PRND: variants seen among roughly 807,000 people sequenced by gnomAD.
The protein encoded by PRND is prion-like protein doppel.
For missense variants in PRND, 227 were observed against 223.3 expected (o/e 1.02, Z -0.11); for synonymous variants, 94 against 93.2 (o/e 1.01, Z -0.05).
Position 4,727,586 on chromosome 20 carries a change from G to C in PRND, c.*2504G>C, listed in dbSNP as rs1291266447. The C allele has an allele frequency of 1.8e-5, 3 of 167,022 alleles. No homozygotes were observed. Among genetic ancestry groups the C allele is most frequent in the Admixed American group, 6.5e-5 (1 of 15,280 alleles). 10.3% of individuals were successfully genotyped at this position (167,022 alleles called of 1,614,324 possible). The stretch of plus-strand genomic sequence containing the variant: ...TAAAATATAAGTTTATTGTAAAAGT[G>C]ACATGAAAATTACAACAGATATTCC... On this transcript the variant is annotated 3_prime_UTR_variant, in exon 2 of 2. Coordinates refer to ENST00000305817, the MANE Select transcript of PRND (RefSeq NM_012409.4).
chr20:4,722,682 T>G (rs1459410227), intron 1 of PRND, among the ~76,000 whole-genome samples: 2 of 151,878 alleles, frequency 1.3e-5, no homozygotes, highest in African/African-American at 4.8e-5. Context: ...GTGGAGGGTG[T>G]GTGAGGGGCG....
intron 1 of PRND, among the ~76,000 whole-genome samples, chr20:4,723,485 C>T (rs973024904): frequency 6.6e-6 from 1 of 152,166 alleles, no homozygotes; most frequent in Admixed American, 6.5e-5. Context: ...ATAGGGGAGG[C>T]AGGGGTCCCT....
chr20:4,723,768 A>G (rs976322217), intron 1 of PRND, among the ~76,000 whole-genome samples: 1 of 152,068 alleles, frequency 6.6e-6, no homozygotes, highest in Non-Finnish European at 1.5e-5. Context: ...CGTTTCTACA[A>G]CATGTATTTA....
At position 4,724,774 on chromosome 20, in the gene PRND, A is replaced by G. The variant is rs1377405937; in HGVS notation, c.223A>G (p.Asn75Asp). ...KLDIDFGAEG[N>D]RYYEANYWQF... The stretch of plus-strand genomic sequence containing the variant: ...CGACATTGACTTCGGAGCCGAGGGC[A>G]ACAGGTACTACGAGGCCAACTACTG... The change falls in exon 2 of 2, where the codon AAC becomes GAC. Residue 75 changes from asparagine to aspartate, a missense_variant. Asn to Asp is a conservative substitution (Grantham distance 23). Transcript: ENST00000305817. This position sits in a 1 kb window ranked among gnomAD's most constrained non-coding sequence, Gnocchi z 4.8. 1 of 1,614,232 alleles carries G rather than the reference A, an allele frequency of 6.2e-7. No individual in the cohort carries two copies. The highest frequency in any genetic ancestry group is 8.5e-7 in the Non-Finnish European group (1 of 1,180,050).
At position 4,724,502 on chromosome 20, in the gene PRND, G is replaced by C. The variant is rs374309755; in HGVS notation, c.-11-39G>C. The C allele has an allele frequency of 6.2e-7, 1 of 1,612,552 alleles. No homozygotes were observed. Among genetic ancestry groups the C allele is most frequent in the Non-Finnish European group, 8.5e-7 (1 of 1,179,636 alleles). On this transcript the variant is annotated intron_variant, in intron 1 of 1. Transcript: ENST00000305817. The surrounding 1 kb of genome is among the most constrained non-coding windows in gnomAD (Gnocchi z 4.8). The stretch of plus-strand genomic sequence containing the variant: ...GGAGGGGGCAGGGGAGCCCAGGCAG[G>C]CCTGGTGGGGAGCTGACCCACCGCC...
intron 1 of PRND, among the ~76,000 whole-genome samples, chr20:4,722,468 G>A (rs1172950981): frequency 1.3e-5 from 2 of 151,370 alleles, no homozygotes; most frequent in African/African-American, 2.4e-5. Flanking sequence ...TAGCCACCCT[G>A]GGACAAAGAC....
In PRND at chr20:4,724,827, C is replaced by T. The variant is rs370883023; in HGVS notation, c.276C>T (p.Asn92=). 66 of 1,614,230 alleles carry T rather than the reference C, an allele frequency of 4.1e-5. No homozygotes were observed. Among genetic ancestry groups the T allele is most frequent in the African/African-American group, 2.1e-4 (16 of 75,054 alleles). The change falls in exon 2 of 2, where the codon AAC becomes AAT. Residue 92 remains asparagine, a synonymous_variant. Transcript: ENST00000305817. The surrounding 1 kb of genome is among the most constrained non-coding windows in gnomAD (Gnocchi z 4.8). ...YWQFPDGIHY[N]GCSEANVTKE... ...AGTTCCCCGATGGCATCCACTACAA[C>T]GGCTGCTCTGAGGCTAATGTGACCA...
Position 4,725,277 on chromosome 20 carries a change from C to G in PRND, c.*195C>G. 1 of 668,120 alleles carries G rather than the reference C, an allele frequency of 1.5e-6. No homozygotes were observed. Among genetic ancestry groups the G allele is most frequent in the Non-Finnish European group, 2.6e-6 (1 of 387,234 alleles). 41.4% of individuals were successfully genotyped at this position (668,120 alleles called of 1,614,324 possible). On this transcript the variant is annotated 3_prime_UTR_variant, in exon 2 of 2. Coordinates refer to ENST00000305817, the MANE Select transcript of PRND (RefSeq NM_012409.4). Reference sequence around the variant, plus strand: ...GATAGATGGGGGACTGTGGCTTCTCCGTCACTCCATTCTCAGCCCCTAGCA... The same window carrying G: ...GATAGATGGGGGACTGTGGCTTCTCGGTCACTCCATTCTCAGCCCCTAGCA...
At position 4,726,568 on chromosome 20, in the gene PRND, A is replaced by G. The variant is rs1923275801; in HGVS notation, c.*1486A>G. 2 of 167,130 alleles carry G rather than the reference A, an allele frequency of 1.2e-5. No individual in the cohort carries two copies. Among genetic ancestry groups the G allele is most frequent in the South Asian group, 4.1e-4 (2 of 4,836 alleles). The allele number at this position is 167,130 out of a possible 1,614,324, so 10.4% of individuals were successfully genotyped here. On this transcript the variant is annotated 3_prime_UTR_variant, in exon 2 of 2. Coordinates refer to ENST00000305817, the MANE Select transcript of PRND (RefSeq NM_012409.4). ...TAAGATCTGTTTTAAATTTAAAACA[A>G]TGAATTGAATGCTCTAAGAGGCTCC...
chr20:4,723,712 G>C lies in PRND; in HGVS notation c.-11-829G>C, dbSNP rs1923168511. ...GCCTGTAATCTCAGCACTTTGGGAG[G>C]CTGAGGTGGGAGGATCACTTGAGCC... On this transcript the variant is annotated intron_variant, in intron 1 of 1. Transcript: ENST00000305817. 1.3e-5 allele frequency among the ~76,000 whole-genome samples: 2 copies of C among 152,150 alleles called. 1 individual carries two copies. The highest frequency in any genetic ancestry group is 4.1e-4 in the South Asian group (2 of 4,820).
Position 4,725,405 on chromosome 20 carries a change from G to A in PRND, c.*323G>A, listed in dbSNP as rs1923234427. On this transcript the variant is annotated 3_prime_UTR_variant, in exon 2 of 2. Transcript: ENST00000305817. ...TACTTCCCAACAACTCTTAGAGGTA[G>A]GTGTATTCCCGTTTTACAGATAAGG... 3.4e-6 allele frequency: 1 copy of A among 291,582 alleles called. No homozygotes were observed. Among genetic ancestry groups the A allele is most frequent in the Non-Finnish European group, 7.0e-6 (1 of 143,548 alleles). The allele number at this position is 291,582 out of a possible 1,614,324, so 18.1% of individuals were successfully genotyped here.
At position 4,728,084 on chromosome 20, in the gene PRND, T is replaced by C. The variant is rs186333650; in HGVS notation, c.*3002T>C. The C allele has an allele frequency of 3.5e-3, 582 of 166,990 alleles. 2 individuals carry two copies. The highest frequency in any genetic ancestry group is 4.6e-3 in the Admixed American group (71 of 15,278). The allele number at this position is 166,990 out of a possible 1,614,324, so 10.3% of individuals were successfully genotyped here. A position where few individuals can be genotyped will look rare whatever the true frequency, so the allele number is the denominator to read the frequency against. On this transcript the variant is annotated 3_prime_UTR_variant, in exon 2 of 2. Coordinates refer to ENST00000305817, the MANE Select transcript of PRND (RefSeq NM_012409.4). ...ATTACAGGTGTGAGCCACCACGCCC[T>C]GCCTACTCTTTGTTTTCTTTCCTCC...
rs563666755 is a variant in PRND, at chr20:4,722,522, G to A, written c.-12+553G>A. Among the ~76,000 whole-genome samples the A allele has an allele frequency of 2.6e-5, 4 of 152,068 alleles. No homozygotes were observed. The East Asian group carries it at 7.8e-4, about 29-fold the overall frequency. On this transcript the variant is annotated intron_variant, in intron 1 of 1. Coordinates refer to ENST00000305817, the MANE Select transcript of PRND (RefSeq NM_012409.4). Reference sequence around the variant, plus strand: ...AAGGAAAGGTCAGTGAGGCCTCTTTGCAGGCTTCTAGAGATGACTGGATGT... The same window carrying A: ...AAGGAAAGGTCAGTGAGGCCTCTTTACAGGCTTCTAGAGATGACTGGATGT...
chr20:4,723,314 T>G (rs1923157371), intron 1 of PRND, among the ~76,000 whole-genome samples: 1 of 152,142 alleles, frequency 6.6e-6, no homozygotes, highest in South Asian at 2.1e-4. Flanking sequence ...ATGTACCTAC[T>G]CTATGTGAGA....
rs528266268 is a variant in PRND at position 4,727,629 on chromosome 20, C to T, written c.*2547C>T. On this transcript the variant is annotated 3_prime_UTR_variant, in exon 2 of 2. Transcript: ENST00000305817. Reference sequence around the variant, plus strand: ...GATATTCCAGACCAAAATAATACAACAATCCCAGCATCTGATTGAGTCAGT... The same window carrying T: ...GATATTCCAGACCAAAATAATACAATAATCCCAGCATCTGATTGAGTCAGT... 1.8e-5 allele frequency: 3 copies of T among 167,152 alleles called. No individual in the cohort carries two copies. The highest frequency in any genetic ancestry group is 4.4e-5 in the Non-Finnish European group (3 of 68,104). The allele number at this position is 167,152 out of a possible 1,614,324, so 10.4% of individuals were successfully genotyped here.
intron 1 of PRND, among the ~76,000 whole-genome samples, chr20:4,722,894 G>A (rs1239937055): frequency 6.6e-6 from 1 of 151,960 alleles, no homozygotes; most frequent in Non-Finnish European, 1.5e-5. Context: ...TGTAGATTCA[G>A]GAGCCGAATG....
intron 1 of PRND, among the ~76,000 whole-genome samples, chr20:4,722,408 CA>C (rs1395087582): frequency 6.6e-6 from 1 of 151,882 alleles, no homozygotes; most frequent in Non-Finnish European, 1.5e-5. Flanking sequence ...AGTCTGAGTT[CA>C]CTGTGCTCAG....
rs146380946 is a variant in PRND at position 4,724,785 on chromosome 20, C to T, written c.234C>T (p.Tyr78=). ...TCGGAGCCGAGGGCAACAGGTACTA[C>T]GAGGCCAACTACTGGCAGTTCCCCG... ...IDFGAEGNRY[Y]EANYWQFPDG... is the part of the protein sequence containing the mutation. The change falls in exon 2 of 2, where the codon TAC becomes TAT. Residue 78 remains tyrosine (Y), a synonymous_variant. Coordinates refer to ENST00000305817, the MANE Select transcript of PRND (RefSeq NM_012409.4). This position sits in a 1 kb window ranked among gnomAD's most constrained non-coding sequence, Gnocchi z 4.8. 118 of 1,614,214 alleles carry T rather than the reference C, an allele frequency of 7.3e-5. No homozygotes were observed. The African/African-American group carries it at 1.2e-3, about 16-fold the overall frequency.
Position 4,724,287 on chromosome 20 carries a change from G to T in PRND, c.-11-254G>T, listed in dbSNP as rs1300323946. On this transcript the variant is annotated intron_variant, in intron 1 of 1. Coordinates refer to ENST00000305817, the MANE Select transcript of PRND (RefSeq NM_012409.4). This position sits in a 1 kb window ranked among gnomAD's most constrained non-coding sequence, Gnocchi z 4.8. ...ATGCGTATTCAAAGCCACTATAATT[G>T]CCCTTTGCCATTCTTACCTGTCTCG... Among the ~76,000 whole-genome samples the T allele has an allele frequency of 6.6e-6, 1 of 151,998 alleles. No homozygotes were observed. The highest frequency in any genetic ancestry group is 1.5e-5 in the Non-Finnish European group (1 of 68,006).
Sources: gnomAD v4.1 joint callset for allele counts (sites outside exome capture counted in the v4.1 genomes callset) on GRCh38, gnomAD v4.1.1 for gene constraint, Gnocchi (gnomAD v3.1) non-coding constraint, MANE v1.5 for transcripts, NCBI Gene and HGNC (gene_info 2026-07-23, HGNC 2026-07-21) for gene names.